The following SEMA6D variants were observed in gnomAD, a reference collection of about 807,000 sequenced individuals.
The protein encoded by SEMA6D is semaphorin-6D.
Under a neutral mutation model 106.6 loss-of-function variants are expected in SEMA6D, and 35 were observed. The ratio of observed to expected loss-of-function variants is 0.33; its 90% CI spans 0.25 to 0.44. The LOEUF (loss-of-function observed/expected upper bound fraction) is 0.44, where lower values mean the gene tolerates loss of function less well. SEMA6D is among the 20% of genes least tolerant of loss of function. The pLI, the probability that SEMA6D is intolerant of heterozygous loss-of-function variation, is 1.00. For synonymous variants in SEMA6D, 499 were observed against 487.7 expected (o/e 1.02, Z -0.31); for missense variants, 1,185 against 1,345.9 (o/e 0.88, Z 1.87).
chr15:47,598,157 G>A (rs1216019703), intron 3 of SEMA6D, among the ~76,000 whole-genome samples: 1 of 151,930 alleles, frequency 6.6e-6, no homozygotes, highest in African/African-American at 2.4e-5. Flanking sequence ...GAAATCTCAA[G>A]GGGTGATAAT....
chr15:47,524,019 C>T (rs1181083720), intron 3 of SEMA6D, among the ~76,000 whole-genome samples: 2 of 152,192 alleles, frequency 1.3e-5, no homozygotes, highest in Non-Finnish European at 2.9e-5. Flanking sequence ...AATATGCCTG[C>T]CTCCTGACTT....
intron 3 of SEMA6D, among the ~76,000 whole-genome samples, chr15:47,557,404 T>C (rs2045946357): frequency 6.6e-6 from 1 of 152,174 alleles, no homozygotes; most frequent in Non-Finnish European, 1.5e-5. Flanking sequence ...ATCAACACTT[T>C]CACAAACATA....
chr15:47,207,770 G>T (rs907615114), intron 1 of SEMA6D, among the ~76,000 whole-genome samples: 1 of 151,948 alleles, frequency 6.6e-6, no homozygotes. Flanking sequence ...CCCAAACATG[G>T]GTCCTTGGAG....
rs1277296998 is a variant in SEMA6D, at chr15:47,763,896, GTTCCCAGCGGGTCCTGGA to G, written c.795_812del (p.Ser266_Glu271del). ...CGCATATGTAAAAACGACATGGGTG[GTTCCCAGCGGGTCCTGGA>G]GAAACACTGGACTTCATTTCTAAAG... On this transcript the variant is annotated inframe_deletion, in exon 10 of 19. Coordinates refer to ENST00000536845, the MANE Select transcript of SEMA6D (RefSeq NM_001358351.3). The G allele has an allele frequency of 6.2e-7, 1 of 1,613,826 alleles. No individual in the cohort carries two copies.
chr15:47,736,444 T>C (rs1596876249), intron 1 of SEMA6D, among the ~76,000 whole-genome samples: 2 of 152,258 alleles, frequency 1.3e-5, no homozygotes, highest in African/African-American at 4.8e-5. Flanking sequence ...AGCAGCTATG[T>C]ATCTTCAAAG....
intron 1 of SEMA6D, among the ~76,000 whole-genome samples, chr15:47,324,373 A>T (rs2143799484): frequency 6.6e-6 from 1 of 152,186 alleles, no homozygotes; most frequent in African/African-American, 2.4e-5. Flanking sequence ...TATTTACCTA[A>T]TTTTGAGGTA....
At chr15:47,314,624 C>A (rs1338022450) in intron 1 of SEMA6D, among the ~76,000 whole-genome samples, 10 of 133,038 alleles carry the variant, frequency 7.5e-5, no homozygotes, top group Admixed American at 1.5e-4. Flanking sequence ...AAAAAGAATT[C>A]TTTGTATATT....
chr15:47,769,203 A>G (rs773836678), intron 18 of SEMA6D, among the ~76,000 whole-genome samples: 20 of 152,190 alleles, frequency 1.3e-4, no homozygotes, highest in Non-Finnish European at 2.8e-4. Flanking sequence ...CTTGAATGCC[A>G]CAAGCAATAA....
At chr15:47,629,259 G>C (rs368749611) in intron 4 of SEMA6D, among the ~76,000 whole-genome samples, 2 of 151,948 alleles carry the variant, frequency 1.3e-5, no homozygotes, top group African/African-American at 2.4e-5. Flanking sequence ...CTAGGCTAAG[G>C]CTTGTGCATT....
At chr15:47,742,505 C>T (rs985892591) in intron 1 of SEMA6D, among the ~76,000 whole-genome samples, 2 of 152,130 alleles carry the variant, frequency 1.3e-5, no homozygotes, top group African/African-American at 2.4e-5. Flanking sequence ...TATAACCGAC[C>T]CACTTGAGAT....
chr15:47,640,083 G>A, intron 4 of SEMA6D, among the ~76,000 whole-genome samples: 1 of 152,126 alleles, frequency 6.6e-6, no homozygotes, highest in Non-Finnish European at 1.5e-5. Flanking sequence ...CTGAATGCAG[G>A]GGTATTTGGG....
At chr15:47,362,289 T>G (rs900760500) in intron 1 of SEMA6D, among the ~76,000 whole-genome samples, 1 of 152,118 alleles carries the variant, frequency 6.6e-6, no homozygotes, top group Non-Finnish European at 1.5e-5. Context: ...GCAATACTAG[T>G]CTGGGAAAGG....
chr15:47,278,754 G>A (rs549879545), intron 1 of SEMA6D, among the ~76,000 whole-genome samples: 22 of 150,078 alleles, frequency 1.5e-4, no homozygotes, highest in South Asian at 1.1e-3. Flanking sequence ...TAGGTCTAAC[G>A]TTTAAGTCTT....
intron 1 of SEMA6D, among the ~76,000 whole-genome samples, chr15:47,727,037 T>C (rs1256890162): frequency 2.6e-5 from 4 of 152,190 alleles, no homozygotes; most frequent in Non-Finnish European, 5.9e-5. Context: ...CTAACCCCGA[T>C]GTCAGCTGTT....
Position 47,484,534 on chromosome 15 carries a change from A to T in SEMA6D, c.-87+13989A>T, listed in dbSNP as rs566692068. ...TTCAGAGGCCACACAGCAACTTAGA[A>T]TCCTATTGTTTATTTTATTTCCAAT... On this transcript the variant is annotated intron_variant, in intron 3 of 19. Coordinates refer to the SEMA6D transcript ENST00000558014. Among the ~76,000 whole-genome samples, 5 of 152,288 alleles carry T rather than the reference A, an allele frequency of 3.3e-5. No individual in the cohort carries two copies. The East Asian group carries it at 9.6e-4, about 29-fold the overall frequency.
intron 1 of SEMA6D, among the ~76,000 whole-genome samples, chr15:47,254,352 T>TATATATATATATATATATAA (rs1236308586): frequency 6.8e-6 from 1 of 147,964 alleles, no homozygotes; most frequent in African/African-American, 2.5e-5. Flanking sequence ...TATATATATA[T>TATATATATATATATATATAA]AAATGATTGT....
At chr15:47,363,427 G>A (rs1042252772) in intron 1 of SEMA6D, among the ~76,000 whole-genome samples, 13 of 152,112 alleles carry the variant, frequency 8.5e-5, no homozygotes, top group South Asian at 2.1e-4. Flanking sequence ...GGCTTTTTCC[G>A]AACTTTTGAA....
In SEMA6D at chr15:47,329,442, T is replaced by G. The variant is rs75801714; in HGVS notation, c.-238-82951T>G. ...ACAGATATTTAGAGATAGAAATAGA[T>G]GAGAAACTAAACAGGCGTATAAGGT... On this transcript the variant is annotated intron_variant, in intron 1 of 19. Transcript: ENST00000558014. Among the ~76,000 whole-genome samples, 111 of 152,332 alleles carry G rather than the reference T, an allele frequency of 7.3e-4. No homozygotes were observed. The East Asian group carries it at 0.019, about 26-fold the overall frequency.
chr15:47,384,642 G>A (rs1437041846), intron 1 of SEMA6D, among the ~76,000 whole-genome samples: 1 of 152,120 alleles, frequency 6.6e-6, no homozygotes, highest in East Asian at 1.9e-4. Context: ...CACGCCTCAT[G>A]CCCAGAAGCT....
Sources: allele counts gnomAD v4.1 joint callset (sites outside exome capture counted in the v4.1 genomes callset), GRCh38; gene constraint gnomAD v4.1.1; transcripts MANE v1.5; gene names NCBI Gene and HGNC (gene_info 2026-07-23, HGNC 2026-07-21).